JAM3: variants seen among roughly 807,000 people sequenced by gnomAD.
JAM3 encodes the protein junctional adhesion molecule 3.
Under a neutral mutation model 39.4 loss-of-function variants are expected in JAM3, and 31 were observed. The ratio of observed to expected loss-of-function variants is 0.79; its 90% confidence interval spans 0.59 to 1.06. The LOEUF (loss-of-function observed/expected upper bound fraction) is 1.06. JAM3 is among the 50% of genes least tolerant of loss of function. The pLI, the probability that JAM3 is intolerant of heterozygous loss-of-function variation, is 0.00. For missense variants in JAM3, 455 were observed against 391.4 expected (o/e 1.16, Z -1.37); for synonymous variants, 182 against 148.7 (o/e 1.22, Z -1.63).
chr11:134,126,108 C>T (rs966789495), intron 1 of JAM3, among the ~76,000 whole-genome samples: 1 of 152,126 alleles, frequency 6.6e-6, no homozygotes, highest in African/African-American at 2.4e-5. Context: ...ACATCCCTTC[C>T]CTGTCCCACC....
chr11:134,097,862 GTA>G lies in JAM3; in HGVS notation c.76+28713_76+28714del, dbSNP rs1004924606. On this transcript the variant is annotated intron_variant, in intron 1 of 8. Coordinates refer to ENST00000299106, the MANE Select transcript of JAM3 (RefSeq NM_032801.5). The stretch of plus-strand genomic sequence containing the variant: ...ATTCTTAATTTTCTTTTATATATAT[GTA>G]TATATATATTTATATACACACACTT... Among the ~76,000 whole-genome samples the G allele has an allele frequency of 1.3e-4, 20 of 150,738 alleles. No homozygotes were observed. In the East Asian group the frequency reaches 2.5e-3, roughly 19 times the overall value.
rs941761240 is a variant in JAM3, at chr11:134,151,826, C to T, written c.*2645C>T. 7 of 149,176 alleles carry T rather than the reference C, an allele frequency of 4.7e-5. No homozygotes were observed. Among genetic ancestry groups the T allele is most frequent in the African/African-American group, 1.5e-4 (6 of 41,288 alleles). 9.2% of individuals were successfully genotyped at this position (149,176 alleles called of 1,614,324 possible). A position where few individuals can be genotyped will look rare whatever the true frequency, so the allele number is the denominator to read the frequency against. On this transcript the variant is annotated 3_prime_UTR_variant, in exon 9 of 9. Transcript: ENST00000299106. ...TCTTCCTAGCATTTCAGTGGTTAGG[C>T]ATGCACACTAAAAATGCTATCAATC...
chr11:134,138,269 A>C lies in JAM3; in HGVS notation c.77-1582A>C, dbSNP rs189038552. On this transcript the variant is annotated intron_variant, in intron 1 of 8. Transcript: ENST00000299106. ...GCGTCTCGTCGAAGTCGTGGTGCTC[A>C]TACTGGAAGAAATGTTTATGGCCAA... 2.5e-4 allele frequency among the ~76,000 whole-genome samples: 26 copies of C among 103,280 alleles called. 2 individuals are homozygous for C. The highest frequency in any genetic ancestry group is 1.1e-3 in the African/African-American group (25 of 23,664). The allele number at this position is 103,280 out of a possible 152,430, so 67.8% of individuals were successfully genotyped here.
intron 1 of JAM3, among the ~76,000 whole-genome samples, chr11:134,083,510 A>G (rs11603717): frequency 0.15 from 23,147 of 152,026 alleles, 1,922 homozygotes; most frequent in African/African-American, 0.22. Context: ...TTTGAGGAGG[A>G]GTGTTTTTGT....
intron 1 of JAM3, among the ~76,000 whole-genome samples, chr11:134,084,494 A>T (rs1941716066): frequency 6.6e-6 from 1 of 152,192 alleles, no homozygotes; most frequent in Admixed American, 6.5e-5. Context: ...AATAACACAA[A>T]TTAAAATTAA....
In JAM3 at chr11:134,148,663, C is replaced by G; in HGVS notation, c.829C>G (p.Gln277Glu). 1 of 1,614,078 alleles carries G rather than the reference C, an allele frequency of 6.2e-7. No homozygotes were observed. Among genetic ancestry groups the G allele is most frequent in the Non-Finnish European group, 8.5e-7 (1 of 1,180,034 alleles). The change falls in exon 7 of 9, where the codon CAG becomes GAG. Residue 277 changes from glutamine (Q) to glutamate (E), a missense_variant. Coordinates refer to ENST00000299106, the MANE Select transcript of JAM3 (RefSeq NM_032801.5). ...YRRGYFINNK[Q>E]DGESYKNPGK... ...ACGTGGCTACTTCATCAACAATAAA[C>G]AGGATGGAGAAAGGTGAGCCTGCCT...
At position 134,150,910 on chromosome 11, in the gene JAM3, A is replaced by C. The variant is rs748313936; in HGVS notation, c.*1729A>C. 3 of 152,190 alleles carry C rather than the reference A, an allele frequency of 2.0e-5. No homozygotes were observed. The highest frequency in any genetic ancestry group is 4.4e-5 in the Non-Finnish European group (3 of 68,038). 9.4% of individuals were successfully genotyped at this position (152,190 alleles called of 1,614,324 possible). A position where few individuals can be genotyped will look rare whatever the true frequency, so the allele number is the denominator to read the frequency against. ...GGCGGGGAGGAAAGTGAAACGCCTG[A>C]ATCAAAAGCAGTTTTCTAATTTTGA... On this transcript the variant is annotated 3_prime_UTR_variant, in exon 9 of 9. Coordinates refer to ENST00000299106, the MANE Select transcript of JAM3 (RefSeq NM_032801.5).
chr11:134,129,636 G>A (rs986665516), intron 1 of JAM3, among the ~76,000 whole-genome samples: 3 of 152,158 alleles, frequency 2.0e-5, no homozygotes, highest in African/African-American at 7.2e-5. Context: ...TTCAGTTATT[G>A]GTGAAAGAAG....
chr11:134,113,478 T>C (rs1013515893), intron 1 of JAM3, among the ~76,000 whole-genome samples: 1 of 152,176 alleles, frequency 6.6e-6, no homozygotes, highest in Non-Finnish European at 1.5e-5. Flanking sequence ...TTGCTGAGAA[T>C]GATGGTTTCC....
At chr11:134,147,518 G>A (rs911797642) in intron 6 of JAM3, among the ~76,000 whole-genome samples, 2 of 147,502 alleles carry the variant, frequency 1.4e-5, no homozygotes, top group Non-Finnish European at 1.5e-5. Context: ...ATGGAGTCTC[G>A]CTCTGTCACC....
intron 1 of JAM3, among the ~76,000 whole-genome samples, chr11:134,109,930 T>A (rs1183647365): frequency 6.6e-6 from 1 of 152,236 alleles, no homozygotes; most frequent in Non-Finnish European, 1.5e-5. Context: ...TTCAGCTTAG[T>A]TTTTTCCTTT....
intron 1 of JAM3, among the ~76,000 whole-genome samples, chr11:134,089,193 C>A (rs1160245457): frequency 6.6e-6 from 1 of 152,154 alleles, no homozygotes; most frequent in Admixed American, 6.5e-5. Context: ...TATATACTTT[C>A]CAGTTCGTGG....
chr11:134,100,831 G>A (rs1285287790), intron 1 of JAM3, among the ~76,000 whole-genome samples: 6 of 152,216 alleles, frequency 3.9e-5, no homozygotes, highest in Admixed American at 3.9e-4. Context: ...AAACTCAGAT[G>A]TTCTAGAGTT....
At chr11:134,091,440 A>G (rs948666539) in intron 1 of JAM3, among the ~76,000 whole-genome samples, 3 of 152,076 alleles carry the variant, frequency 2.0e-5, no homozygotes, top group African/African-American at 7.2e-5. Context: ...TGGAGGTTGC[A>G]GTGAGCCGAG....
At position 134,126,730 on chromosome 11, in the gene JAM3, CTG is replaced by C. The variant is rs549524840; in HGVS notation, c.77-13118_77-13117del. 3.5e-4 allele frequency among the ~76,000 whole-genome samples: 54 copies of C among 152,332 alleles called. 2 individuals carry two copies. The South Asian group carries it at 0.01, about 29-fold the overall frequency. Reference sequence around the variant, plus strand: ...TGGTCAGGTCTTCCTGTGTAGAAAACTGTGCTAGATACCACTGTGCATGGCAA... The same window carrying C: ...TGGTCAGGTCTTCCTGTGTAGAAAACTGCTAGATACCACTGTGCATGGCAA... On this transcript the variant is annotated intron_variant, in intron 1 of 8. Coordinates refer to ENST00000299106, the MANE Select transcript of JAM3 (RefSeq NM_032801.5).
At chr11:134,118,035 G>T (rs1052061790) in intron 1 of JAM3, among the ~76,000 whole-genome samples, 1 of 152,196 alleles carries the variant, frequency 6.6e-6, no homozygotes, top group Non-Finnish European at 1.5e-5. Flanking sequence ...GTAATCACAT[G>T]CAAATAGTGT....
In JAM3 at chr11:134,144,878, C is replaced by A; in HGVS notation, c.496C>A (p.His166Asn). 6.2e-7 allele frequency: 1 copy of A among 1,613,946 alleles called. No homozygotes were observed. The highest frequency in any genetic ancestry group is 1.1e-5 in the South Asian group (1 of 91,080). Reference protein sequence around the residue: ...ATLHCQESEGHPRPHYSWYRN... With the variant: ...ATLHCQESEGNPRPHYSWYRN... ...ACTGCACTGCCAGGAGAGTGAGGGC[C>A]ACCCCCGGCCTCACTACAGCTGGTA... Residue 166 changes from histidine (H) to asparagine (N), a missense_variant, in exon 5 of 9, where the codon CAC becomes AAC. Physicochemically the swap from His to Asn is moderately conservative, Grantham distance 68 (BLOSUM62 1). Coordinates refer to ENST00000299106, the MANE Select transcript of JAM3 (RefSeq NM_032801.5).
chr11:134,121,407 T>G (rs982689716), intron 1 of JAM3, among the ~76,000 whole-genome samples: 1 of 146,810 alleles, frequency 6.8e-6, no homozygotes, highest in African/African-American at 2.6e-5. Flanking sequence ...AAGGCCATTG[T>G]GAGCAGAAGC....
At chr11:134,105,157 A>G (rs924756824) in intron 1 of JAM3, among the ~76,000 whole-genome samples, 1 of 152,132 alleles carries the variant, frequency 6.6e-6, no homozygotes, top group African/African-American at 2.4e-5. Context: ...TATCCACCAT[A>G]ATCAAGTGGG....
Sources: gnomAD v4.1 joint callset for allele counts (sites outside exome capture counted in the v4.1 genomes callset) on GRCh38, gnomAD v4.1.1 for gene constraint, MANE v1.5 for transcripts, NCBI Gene and HGNC (gene_info 2026-07-23, HGNC 2026-07-21) for gene names.